Variants in MFSD8 observed in about 807,000 individuals in gnomAD.
MFSD8 encodes major facilitator superfamily domain containing 8.
MFSD8 carries 55 observed loss-of-function variants against 66.4 expected under a neutral mutation model. The observed-to-expected ratio is 0.83, with a 90% CI of 0.67 to 1.04. The LOEUF (loss-of-function observed/expected upper bound fraction) is 1.04, where lower values mean the gene tolerates loss of function less well. MFSD8 is among the 50% of genes least tolerant of loss of function. MFSD8 has a pLI of 0.00. For missense variants in MFSD8, 550 were observed against 627.6 expected (o/e 0.88, Z 1.32); for synonymous variants, 202 against 212.8 (o/e 0.95, Z 0.44).
At chr4:127,957,957 C>T (rs1465758304) in intron 1 of MFSD8, among the ~76,000 whole-genome samples, 2 of 152,110 alleles carry the variant, frequency 1.3e-5, no homozygotes. Context: ...AACTAGATCC[C>T]CCGTAGCTAC....
intron 2 of MFSD8, among the ~76,000 whole-genome samples, chr4:127,952,162 T>C (rs1742088217): frequency 6.6e-6 from 1 of 151,874 alleles, no homozygotes; most frequent in African/African-American, 2.4e-5. Flanking sequence ...TCCCAGCACT[T>C]TGGGAGGCCT....
At chr4:127,946,760 C>G (rs1416980577) in intron 3 of MFSD8, among the ~76,000 whole-genome samples, 2 of 151,704 alleles carry the variant, frequency 1.3e-5, no homozygotes, top group Admixed American at 6.6e-5. Flanking sequence ...ACTAAAAATA[C>G]AAAAATTAGC....
At chr4:127,934,053 A>G (rs981082557) in intron 7 of MFSD8, among the ~76,000 whole-genome samples, 2 of 152,158 alleles carry the variant, frequency 1.3e-5, no homozygotes, top group African/African-American at 4.8e-5. Flanking sequence ...AGCCTGGCCA[A>G]CATGGCAAAA....
At chr4:127,937,313 T>C (rs1185645891) in intron 7 of MFSD8, among the ~76,000 whole-genome samples, 12 of 152,230 alleles carry the variant, frequency 7.9e-5, no homozygotes, top group Admixed American at 3.9e-4. Flanking sequence ...TCTTTTCATC[T>C]AACCTCCCTT....
rs370146701 is a variant in MFSD8, at chr4:127,947,896, ACACT to A, written c.198+1904_198+1907del. 4.2e-3 allele frequency among the ~76,000 whole-genome samples: 608 copies of A among 145,204 alleles called. 2 individuals are homozygous for A. The highest frequency in any genetic ancestry group is 9.6e-3 in the African/African-American group (385 of 40,042). On this transcript the variant is annotated intron_variant, in intron 3 of 11. Transcript: ENST00000641686. ...CACACACACACACACACACACACAC[ACACT>A]CTCTCTCCAACCTCATAGAAAAACC... is the stretch of plus-strand genomic sequence containing the variant.
Position 127,943,747 on chromosome 4 carries a change from C to A in MFSD8, c.439+5G>T. On this transcript the variant is annotated splice_donor_5th_base_variant and intron_variant, in intron 4 of 11. Coordinates refer to ENST00000641686, the MANE Select transcript of MFSD8 (RefSeq NM_001371596.2). ...ACACAACCAAACATATACATACAAC[C>A]TTACCTGCTCCAATTCCCAACAATC... 6.2e-7 allele frequency: 1 copy of A among 1,614,052 alleles called. No homozygotes were observed. The highest frequency in any genetic ancestry group is 1.1e-5 in the South Asian group (1 of 91,030).
rs568770460 is a variant in MFSD8, at chr4:127,931,270, A to T, written c.864-453T>A. ...TTTGCCTCTCAATGTCTCTTCCTTT[A>T]TATGACTATATCCTTCCTTGCCAAG... On this transcript the variant is annotated intron_variant, in intron 8 of 11. Transcript: ENST00000641686. Among the ~76,000 whole-genome samples the T allele has an allele frequency of 3.9e-4, 59 of 152,342 alleles. 1 individual carries two copies. Among genetic ancestry groups the T allele is most frequent in the African/African-American group, 1.3e-3 (53 of 41,586 alleles).
At chr4:127,945,116 A>G (rs550466458) in intron 3 of MFSD8, among the ~76,000 whole-genome samples, 2 of 152,264 alleles carry the variant, frequency 1.3e-5, no homozygotes, top group Admixed American at 6.5e-5. Flanking sequence ...GCTGTAACAC[A>G]CTATGACTGT....
At chr4:127,964,333 T>A (rs1004467563) in intron 1 of MFSD8, among the ~76,000 whole-genome samples, 8 of 151,988 alleles carry the variant, frequency 5.3e-5, no homozygotes, top group Non-Finnish European at 1.0e-4. Context: ...GCCCACGGAG[T>A]GGGTGGGAGG....
chr4:127,931,378 G>A (rs112305305), intron 8 of MFSD8, among the ~76,000 whole-genome samples: 26 of 151,972 alleles, frequency 1.7e-4, no homozygotes, highest in African/African-American at 5.5e-4. Flanking sequence ...TTTTTGAGAC[G>A]CCAAAGTCTC....
chr4:127,939,685 T>C (rs1739811233), intron 6 of MFSD8, 168 bp downstream of exon 6: 4 of 526,650 alleles, frequency 7.6e-6, no homozygotes, highest in Non-Finnish European at 1.3e-5. Context: ...AGGTTGTCTT[T>C]TGGTTGCCAG....
intron 2 of MFSD8, among the ~76,000 whole-genome samples, chr4:127,957,016 C>G (rs1743007788): frequency 6.6e-6 from 1 of 152,076 alleles, no homozygotes; most frequent in South Asian, 2.1e-4. Flanking sequence ...ATTCACAAGC[C>G]TTAAGCACAT....
In MFSD8 at chr4:127,943,939, A is replaced by G; in HGVS notation, c.252T>C (p.Ser84=). ...TAGGTGAAGCTACCATTTGGCCAAGACTATATGAAGCAATAACCCAGCCCA... is the reference window on the plus strand; with the variant it reads ...TAGGTGAAGCTACCATTTGGCCAAGGCTATATGAAGCAATAACCCAGCCCA... The part of the protein sequence containing the change: ...SFLGWVIASY[S]LGQMVASPIF... Residue 84 remains serine, a synonymous_variant, in exon 4 of 12, where the codon AGT becomes AGC. Coordinates refer to ENST00000641686, the MANE Select transcript of MFSD8 (RefSeq NM_001371596.2). The G allele has an allele frequency of 6.2e-7, 1 of 1,614,188 alleles. No homozygotes were observed.
At chr4:127,930,604 T>C in intron 9 of MFSD8, 79 bp downstream of exon 9, 1 of 1,468,516 alleles carries the variant, frequency 6.8e-7, no homozygotes, top group South Asian at 1.2e-5. Flanking sequence ...ATTTTCCTGG[T>C]ATATCCATTT....
chr4:127,961,000 A>G (rs1310586156), intron 1 of MFSD8, among the ~76,000 whole-genome samples: 1 of 152,216 alleles, frequency 6.6e-6, no homozygotes, highest in Non-Finnish European at 1.5e-5. Flanking sequence ...AAATATTTAC[A>G]ATCTGGGACT....
At chr4:127,948,348 G>A (rs1741419122) in intron 3 of MFSD8, among the ~76,000 whole-genome samples, 1 of 152,118 alleles carries the variant, frequency 6.6e-6, no homozygotes, top group Non-Finnish European at 1.5e-5. Flanking sequence ...CGATCTCAGG[G>A]GTGGGGTGAG....
intron 4 of MFSD8, chr4:127,943,490 T>C (rs984270923): frequency 7.2e-6 from 3 of 414,102 alleles, no homozygotes; most frequent in Non-Finnish European, 8.9e-6. Context: ...GAGTAGCTGG[T>C]ATTATAGGCA....
At chr4:127,926,543 G>A (rs1045685475) in intron 9 of MFSD8, among the ~76,000 whole-genome samples, 2 of 151,882 alleles carry the variant, frequency 1.3e-5, no homozygotes, top group Non-Finnish European at 2.9e-5. Flanking sequence ...GAATACACGT[G>A]CTTTGAGGGG....
chr4:127,965,332 C>T (rs576763362), upstream of MFSD8: 2 of 650,458 alleles, frequency 3.1e-6, no homozygotes, highest in African/African-American at 3.6e-5. Flanking sequence ...AGGCTGTGTC[C>T]TCAGCCTCCT....
Sources: gnomAD v4.1 joint callset for allele counts (sites outside exome capture counted in the v4.1 genomes callset) on GRCh38, gnomAD v4.1.1 for gene constraint, MANE v1.5 for transcripts, NCBI Gene and HGNC (gene_info 2026-07-23, HGNC 2026-07-21) for gene names.